The following PTPRK variants were observed in gnomAD, a reference collection of about 807,000 sequenced individuals.
PTPRK encodes receptor-type tyrosine-protein phosphatase kappa.
In PTPRK, 75 loss-of-function variants were observed where a neutral mutation model predicts 178.0. The observed-to-expected ratio is 0.42, with a 90% CI of 0.35 to 0.51. The LOEUF (loss-of-function observed/expected upper bound fraction) is 0.51, where lower values mean the gene tolerates loss of function less well. Among genes scored for constraint, PTPRK ranks in the 20% least tolerant of loss-of-function variants. PTPRK has a pLI of 0.02. For synonymous variants in PTPRK, 637 were observed against 620.6 expected (o/e 1.03, Z -0.39); for missense variants, 1,441 against 1,797.8 (o/e 0.80, Z 3.59).
chr6:128,347,397 G>A (rs576934860), intron 2 of PTPRK, among the ~76,000 whole-genome samples: 1 of 152,264 alleles, frequency 6.6e-6, no homozygotes, highest in Middle Eastern at 3.4e-3. Context: ...TCAGGCAACT[G>A]AAAGAACTGA....
At chr6:128,056,837 A>G (rs1050973742) in intron 13 of PTPRK, among the ~76,000 whole-genome samples, 1 of 152,224 alleles carries the variant, frequency 6.6e-6, no homozygotes, top group African/African-American at 2.4e-5. Flanking sequence ...TGGGTAATGG[A>G]TAAACATAAT....
intron 1 of PTPRK, among the ~76,000 whole-genome samples, chr6:128,466,900 A>G (rs557469238): frequency 6.6e-6 from 1 of 152,334 alleles, no homozygotes; most frequent in African/African-American, 2.4e-5. Context: ...TTGAGAATCA[A>G]CTAAAACTGA....
Position 128,520,551 on chromosome 6 carries a change from C to G in PTPRK, c.-193G>C. On this transcript the variant is annotated 5_prime_UTR_variant, in exon 1 of 30. Transcript: ENST00000368226. ...CGAAAGCGTCGCCAGCGTCGCCGGC[C>G]GGCCGCGGCGGCAGCTCTCCATGCT... is the stretch of plus-strand genomic sequence containing the variant. 1.7e-6 allele frequency: 1 copy of G among 573,056 alleles called. No individual in the cohort carries two copies. Among genetic ancestry groups the G allele is most frequent in the Non-Finnish European group, 3.2e-6 (1 of 317,254 alleles). The allele number at this position is 573,056 out of a possible 1,614,324, so 35.5% of individuals were successfully genotyped here.
At chr6:128,309,143 T>C (rs1305087363) in intron 3 of PTPRK, among the ~76,000 whole-genome samples, 1 of 152,178 alleles carries the variant, frequency 6.6e-6, no homozygotes, top group Non-Finnish European at 1.5e-5. Flanking sequence ...TATTTTTCAT[T>C]CTTTTTTCAC....
At chr6:128,243,915 T>C (rs899911512) in intron 3 of PTPRK, among the ~76,000 whole-genome samples, 9 of 151,890 alleles carry the variant, frequency 5.9e-5, no homozygotes, top group African/African-American at 2.2e-4. Context: ...GGCTATAAAG[T>C]GAAAGATGAT....
chr6:128,096,874 A>G (rs1225127551), intron 7 of PTPRK, among the ~76,000 whole-genome samples: 1 of 152,224 alleles, frequency 6.6e-6, no homozygotes, highest in Non-Finnish European at 1.5e-5. Context: ...ATAAAAAAAT[A>G]AAAATAAAAG....
chr6:128,014,854 GAA>G (rs2114737680), intron 13 of PTPRK, among the ~76,000 whole-genome samples: 1 of 151,718 alleles, frequency 6.6e-6, no homozygotes, highest in South Asian at 2.1e-4. Context: ...GTGATCTTAT[GAA>G]ACTTGCCCAG....
intron 13 of PTPRK, among the ~76,000 whole-genome samples, chr6:128,055,767 T>C (rs1582760853): frequency 6.6e-6 from 1 of 152,118 alleles, no homozygotes; most frequent in Non-Finnish European, 1.5e-5. Flanking sequence ...GCCCAGCTAA[T>C]TTTAAAAGTT....
At chr6:128,138,278 G>T (rs865794934) in intron 7 of PTPRK, among the ~76,000 whole-genome samples, 3 of 152,068 alleles carry the variant, frequency 2.0e-5, no homozygotes, top group Non-Finnish European at 2.9e-5. Context: ...GCCAGCCCCA[G>T]ATGAATATAA....
chr6:128,002,290 C>T (rs1383699635), intron 15 of PTPRK, among the ~76,000 whole-genome samples: 1 of 151,558 alleles, frequency 6.6e-6, no homozygotes, highest in Non-Finnish European at 1.5e-5. Flanking sequence ...TTTTTGTTCA[C>T]AAGAAATGTT....
chr6:128,074,076 T>C (rs114626434), intron 11 of PTPRK, among the ~76,000 whole-genome samples: 2,161 of 152,162 alleles, frequency 0.014, 56 homozygotes, highest in African/African-American at 0.049. Flanking sequence ...CATCAGACAA[T>C]TTCTTTTCCT....
At chr6:128,026,297 C>G (rs1774282507) in intron 13 of PTPRK, among the ~76,000 whole-genome samples, 1 of 152,180 alleles carries the variant, frequency 6.6e-6, no homozygotes, top group African/African-American at 2.4e-5. Context: ...TGCAGAAGGT[C>G]TGGCAAAACT....
At chr6:128,005,393 G>T in intron 14 of PTPRK, 149 bp from the exon 15 acceptor site, 1 of 602,394 alleles carries the variant, frequency 1.7e-6, no homozygotes, top group Non-Finnish European at 2.7e-6. Context: ...CAGGAATTAA[G>T]TTTGACATTC....
intron 2 of PTPRK, among the ~76,000 whole-genome samples, chr6:128,349,481 T>C (rs187240407): frequency 1.3e-5 from 2 of 152,190 alleles, no homozygotes; most frequent in East Asian, 1.9e-4. Flanking sequence ...ATATAAATAA[T>C]TGAACAAATG....
At chr6:128,393,160 C>T (rs1040222199) in intron 2 of PTPRK, among the ~76,000 whole-genome samples, 5 of 148,686 alleles carry the variant, frequency 3.4e-5, no homozygotes, top group Non-Finnish European at 5.9e-5. Context: ...GGCCTGATCT[C>T]GGCTCACTGC....
intron 7 of PTPRK, among the ~76,000 whole-genome samples, chr6:128,143,947 G>T (rs796375659): frequency 1.5e-4 from 23 of 152,246 alleles, no homozygotes; most frequent in African/African-American, 5.1e-4. Flanking sequence ...CTACAAACCT[G>T]AGGTGTGTGC....
At chr6:128,010,491 C>T (rs1008539504) in intron 13 of PTPRK, among the ~76,000 whole-genome samples, 6 of 151,222 alleles carry the variant, frequency 4.0e-5, no homozygotes, top group Non-Finnish European at 8.9e-5. Context: ...GCTTCTCTAT[C>T]CCCCTCCCCG....
At chr6:128,160,520 A>G (rs1798560584) in intron 7 of PTPRK, among the ~76,000 whole-genome samples, 1 of 151,676 alleles carries the variant, frequency 6.6e-6, no homozygotes, top group East Asian at 1.9e-4. Context: ...CACTCTTAAC[A>G]CTGAGGAGGT....
chr6:128,048,561 T>C (rs1778469701), intron 13 of PTPRK, among the ~76,000 whole-genome samples: 1 of 152,186 alleles, frequency 6.6e-6, no homozygotes, highest in Non-Finnish European at 1.5e-5. Context: ...CCTAGACACA[T>C]TCTTCCAGTA....
Sources: allele counts gnomAD v4.1 joint callset (sites outside exome capture counted in the v4.1 genomes callset), GRCh38; gene constraint gnomAD v4.1.1; transcripts MANE v1.5; gene names NCBI Gene and HGNC (gene_info 2026-07-23, HGNC 2026-07-21).